The following CLSTN2 variants were observed in gnomAD, a reference collection of about 807,000 sequenced individuals.
CLSTN2 encodes calsyntenin-2.
CLSTN2 carries 48 observed loss-of-function variants against 101.2 expected under a neutral mutation model. The observed-to-expected ratio is 0.47, with a 90% CI of 0.38 to 0.60. CLSTN2 has a LOEUF of 0.60. Ranked by LOEUF, CLSTN2 falls within the 20% of genes least tolerant of loss-of-function variation. The pLI, the probability that CLSTN2 is intolerant of heterozygous loss-of-function variation, is 0.00. For missense variants in CLSTN2, 1,160 were observed against 1,238.2 expected (o/e 0.94, Z 0.95); for synonymous variants, 481 against 463.6 (o/e 1.04, Z -0.48).
intron 2 of CLSTN2, among the ~76,000 whole-genome samples, chr3:140,241,824 TAC>T (rs1294837277): frequency 6.8e-6 from 1 of 147,224 alleles, no homozygotes; most frequent in Non-Finnish European, 1.5e-5. Flanking sequence ...TATATATATA[TAC>T]ACACACATAT....
intron 1 of CLSTN2, among the ~76,000 whole-genome samples, chr3:140,039,208 C>T (rs1468012423): frequency 1.3e-5 from 2 of 152,146 alleles, no homozygotes; most frequent in East Asian, 1.9e-4. Flanking sequence ...GTGGTGAACA[C>T]ACTCACATTT....
chr3:140,374,108 C>T (rs2087889361), intron 2 of CLSTN2, among the ~76,000 whole-genome samples: 1 of 152,206 alleles, frequency 6.6e-6, no homozygotes, highest in South Asian at 2.1e-4. Flanking sequence ...ATCCTTCCTA[C>T]ACTTTCAATG....
rs1275171812 is a variant in CLSTN2, at chr3:140,570,709, C to T, written c.*4456C>T. On this transcript the variant is annotated 3_prime_UTR_variant, in exon 17 of 17. Transcript: ENST00000458420. Reference sequence around the variant, plus strand: ...TATCTTTTTTTACCCTTTTGATTTACATTTTTAATAATTTAAAAATATAAA... The same window carrying T: ...TATCTTTTTTTACCCTTTTGATTTATATTTTTAATAATTTAAAAATATAAA... 1 of 152,166 alleles carries T rather than the reference C, an allele frequency of 6.6e-6. No homozygotes were observed. Among genetic ancestry groups the T allele is most frequent in the East Asian group, 1.9e-4 (1 of 5,204 alleles). 9.4% of individuals were successfully genotyped at this position (152,166 alleles called of 1,614,324 possible).
At chr3:140,560,886 C>T (rs1398942960) in intron 12 of CLSTN2, among the ~76,000 whole-genome samples, 1 of 151,996 alleles carries the variant, frequency 6.6e-6, no homozygotes, top group African/African-American at 2.4e-5. Context: ...AATTATAGAC[C>T]CTGTCTTAAG....
At chr3:140,502,333 C>T (rs1934595198) in intron 8 of CLSTN2, among the ~76,000 whole-genome samples, 1 of 152,142 alleles carries the variant, frequency 6.6e-6, no homozygotes, top group Admixed American at 6.5e-5. Flanking sequence ...GGATGCAGGC[C>T]TGTTTGCATA....
intron 1 of CLSTN2, among the ~76,000 whole-genome samples, chr3:140,089,819 C>T (rs944852540): frequency 6.6e-6 from 1 of 151,390 alleles, no homozygotes; most frequent in African/African-American, 2.4e-5. Context: ...ACCATGTTGC[C>T]CAGGCTAGTC....
chr3:140,467,378 G>A (rs1018196340), intron 8 of CLSTN2, among the ~76,000 whole-genome samples: 5 of 152,210 alleles, frequency 3.3e-5, no homozygotes, highest in Admixed American at 6.5e-5. Flanking sequence ...CTGGGTGGCT[G>A]TGCCATCAGG....
Position 140,532,456 on chromosome 3 carries a change from A to G in CLSTN2, c.1477A>G (p.Met493Val), listed in dbSNP as rs761276142. The G allele has an allele frequency of 6.2e-7, 1 of 1,613,674 alleles. No homozygotes were observed. The highest frequency in any genetic ancestry group is 1.1e-5 in the South Asian group (1 of 90,944). Residue 493 changes from methionine to valine, a missense_variant, in exon 9 of 17, where the codon ATG becomes GTG. By Grantham distance (21) the Met-to-Val change is conservative. Coordinates refer to ENST00000458420, the MANE Select transcript of CLSTN2 (RefSeq NM_022131.3). ...DWPIHPSHIA[M>V]QLTVGACWQG... ...GCCCATTCATCCATCTCACATAGCC[A>G]TGCAACTCACAGTCGGCGCTTGTTG...
chr3:140,423,414 T>C (rs1169779381), intron 5 of CLSTN2, among the ~76,000 whole-genome samples: 1 of 152,162 alleles, frequency 6.6e-6, no homozygotes, highest in African/African-American at 2.4e-5. Context: ...TGTTTAATGA[T>C]GGAGAAATGG....
chr3:140,485,190 C>T (rs574769856), intron 8 of CLSTN2, among the ~76,000 whole-genome samples: 5 of 152,306 alleles, frequency 3.3e-5, no homozygotes, highest in African/African-American at 1.2e-4. Flanking sequence ...GACCCTCAGC[C>T]ACAGGTCTGT....
At chr3:140,535,926 A>G (rs1276166275) in intron 9 of CLSTN2, among the ~76,000 whole-genome samples, 1 of 152,230 alleles carries the variant, frequency 6.6e-6, no homozygotes, top group African/African-American at 2.4e-5. Flanking sequence ...ACTGATACAA[A>G]TGCTACAAAC....
intron 2 of CLSTN2, among the ~76,000 whole-genome samples, chr3:140,308,734 A>G (rs1232303027): frequency 6.6e-6 from 1 of 152,232 alleles, no homozygotes; most frequent in African/African-American, 2.4e-5. Flanking sequence ...ATTATTAAAC[A>G]ATGTTCAACA....
At chr3:140,284,490 A>C (rs2086878293) in intron 2 of CLSTN2, among the ~76,000 whole-genome samples, 1 of 152,144 alleles carries the variant, frequency 6.6e-6, no homozygotes, top group Non-Finnish European at 1.5e-5. Flanking sequence ...CACATTATTC[A>C]CAAACCGCAG....
chr3:139,947,652 T>C (rs73867237), intron 1 of CLSTN2, among the ~76,000 whole-genome samples: 7,598 of 152,230 alleles, frequency 0.05, 595 homozygotes, highest in African/African-American at 0.17. Flanking sequence ...GATTTCACCT[T>C]CCTAGATTTA....
chr3:140,082,717 C>T (rs1168100899), intron 1 of CLSTN2, among the ~76,000 whole-genome samples: 4 of 152,198 alleles, frequency 2.6e-5, no homozygotes, highest in African/African-American at 9.7e-5. Context: ...GTCTGTACAA[C>T]TTCAAGTCTT....
At chr3:140,095,539 T>C (rs143386814) in intron 1 of CLSTN2, among the ~76,000 whole-genome samples, 1 of 152,338 alleles carries the variant, frequency 6.6e-6, no homozygotes, top group East Asian at 1.9e-4. Context: ...CTACAATTAC[T>C]CCACTTCTGA....
At chr3:140,026,601 C>T (rs1481638367) in intron 1 of CLSTN2, among the ~76,000 whole-genome samples, 2 of 152,200 alleles carry the variant, frequency 1.3e-5, no homozygotes, top group Non-Finnish European at 2.9e-5. Context: ...GGACTGGAGT[C>T]TACTCTTCAG....
At chr3:140,473,309 G>A (rs150037624) in intron 8 of CLSTN2, among the ~76,000 whole-genome samples, 181 of 152,228 alleles carry the variant, frequency 1.2e-3, no homozygotes, top group African/African-American at 3.4e-3. Context: ...GCTCTGTTAG[G>A]TGCCTGTGGC....
intron 8 of CLSTN2, among the ~76,000 whole-genome samples, chr3:140,501,708 T>C (rs1934580528): frequency 6.6e-6 from 1 of 152,254 alleles, no homozygotes; most frequent in East Asian, 1.9e-4. Context: ...ACAGACACTC[T>C]ATCTAAATTC....
Sources: allele counts gnomAD v4.1 joint callset (sites outside exome capture counted in the v4.1 genomes callset), GRCh38; gene constraint gnomAD v4.1.1; transcripts MANE v1.5; gene names NCBI Gene and HGNC (gene_info 2026-07-23, HGNC 2026-07-21).